Variants in ADCK1 observed in about 807,000 individuals in gnomAD.
ADCK1 encodes aarF domain-containing protein kinase 1.
A neutral mutation model predicts 52.3 loss-of-function variants in ADCK1; 41 were observed. That is an observed-to-expected ratio of 0.78 (90% CI 0.61 to 1.02). The LOEUF is 1.02. Ranked by LOEUF, ADCK1 falls within the 50% of genes least tolerant of loss-of-function variation. ADCK1 has a pLI of 0.00. For missense variants in ADCK1, 658 were observed against 679.5 expected, an observed-to-expected ratio of 0.97 and a Z score of 0.35; for synonymous variants, 250 against 274.6, an observed-to-expected ratio of 0.91 and a Z score of 0.89.
intron 5 of ADCK1, among the ~76,000 whole-genome samples, chr14:77,893,230 G>C (rs547611499): frequency 6.6e-6 from 1 of 152,312 alleles, no homozygotes; most frequent in South Asian, 2.1e-4. Flanking sequence ...CAATGATTCA[G>C]CAGGAGGGGG....
chr14:77,856,610 C>G (rs10147848), intron 3 of ADCK1, among the ~76,000 whole-genome samples: 19,288 of 152,212 alleles, frequency 0.13, 1,468 homozygotes, highest in African/African-American at 0.19. Flanking sequence ...TGGGCTTTGA[C>G]TCCATCTGAC....
intron 4 of ADCK1, among the ~76,000 whole-genome samples, chr14:77,863,468 G>GCACACACACA (rs146074203): frequency 6.7e-6 from 1 of 149,952 alleles, no homozygotes; most frequent in East Asian, 1.9e-4. Flanking sequence ...ATACACACAC[G>GCACACACACA]CACACACACA....
At chr14:77,906,594 G>A (rs2083671371) in intron 6 of ADCK1, among the ~76,000 whole-genome samples, 1 of 152,230 alleles carries the variant, frequency 6.6e-6, no homozygotes, top group African/African-American at 2.4e-5. Context: ...CACATAGCAA[G>A]AAGGTTTGCA....
chr14:77,927,871 G>A (rs775592829), intron 9 of ADCK1, among the ~76,000 whole-genome samples: 1 of 152,228 alleles, frequency 6.6e-6, no homozygotes, highest in Non-Finnish European at 1.5e-5. Context: ...TAAAAGCCAC[G>A]GGAAGATGTT....
chr14:77,859,377 C>A, intron 4 of ADCK1, 98 bp downstream of exon 4: 1 of 1,268,002 alleles, frequency 7.9e-7, no homozygotes. Flanking sequence ...TGGGGATCCA[C>A]CAGTGACACA....
intron 4 of ADCK1, among the ~76,000 whole-genome samples, chr14:77,866,410 T>G (rs917155867): frequency 6.6e-6 from 1 of 152,206 alleles, no homozygotes; most frequent in African/African-American, 2.4e-5. Context: ...GCACTCTATC[T>G]GGTCAGCCTC....
chr14:77,818,343 A>C (rs2081507667), intron 1 of ADCK1, among the ~76,000 whole-genome samples: 1 of 151,820 alleles, frequency 6.6e-6, no homozygotes, highest in African/African-American at 2.4e-5. Context: ...GTGTGGTGGC[A>C]CGATCTCAGC....
At position 77,840,444 on chromosome 14, in the gene ADCK1, A is replaced by G. The variant is rs973889121; in HGVS notation, c.219+17926A>G. Among the ~76,000 whole-genome samples the G allele has an allele frequency of 3.3e-5, 5 of 151,512 alleles. No individual in the cohort carries two copies. The East Asian group carries it at 9.7e-4, about 29-fold the overall frequency. On this transcript the variant is annotated intron_variant, in intron 3 of 10. Coordinates refer to ENST00000238561, the MANE Select transcript of ADCK1 (RefSeq NM_020421.4). ...CTGGCTAAGTCCTTCTCCCCCTCCC[A>G]TCTCCCTGGCTCTCTTCTGCCTTTC... is the stretch of plus-strand genomic sequence containing the variant.
intron 3 of ADCK1, among the ~76,000 whole-genome samples, chr14:77,852,667 A>ATATATATATTTATATATATATATATAT (rs2082314936): frequency 1.6e-4 from 1 of 6,226 alleles, no homozygotes; most frequent in East Asian, 0.013. Flanking sequence ...ATAAATATAT[A>ATATATATATTTATATATATATATATAT]TATATATATA....
At chr14:77,918,832 A>T (rs769202878) in intron 7 of ADCK1, among the ~76,000 whole-genome samples, 9 of 152,230 alleles carry the variant, frequency 5.9e-5, no homozygotes, top group Admixed American at 1.3e-4. Flanking sequence ...GAGTGGTCAT[A>T]CATCAACTTG....
At chr14:77,800,229 G>C (rs2081078859) in intron 1 of ADCK1, 59 bp downstream of exon 1, 2 of 152,296 alleles carry the variant, frequency 1.3e-5, no homozygotes, top group Admixed American at 1.3e-4. Flanking sequence ...AGCCTGGCAG[G>C]GCCGCACCGC....
At chr14:77,842,309 A>G (rs2082084450) in intron 3 of ADCK1, among the ~76,000 whole-genome samples, 1 of 151,964 alleles carries the variant, frequency 6.6e-6, no homozygotes, top group Non-Finnish European at 1.5e-5. Flanking sequence ...AATTTCATCT[A>G]ATTTCTATGT....
At chr14:77,912,779 G>A (rs1345230941) in intron 7 of ADCK1, among the ~76,000 whole-genome samples, 2 of 152,080 alleles carry the variant, frequency 1.3e-5, no homozygotes, top group Admixed American at 6.5e-5. Context: ...TGGCTCCAGA[G>A]CCCCCAACCA....
At chr14:77,839,884 A>G (rs889634368) in intron 3 of ADCK1, among the ~76,000 whole-genome samples, 1 of 137,428 alleles carries the variant, frequency 7.3e-6, no homozygotes, top group Non-Finnish European at 1.5e-5. Context: ...GCACCACTGC[A>G]CTCCAGCCTG....
In ADCK1 at chr14:77,852,881, GTGTATATATATA is replaced by G. The variant is rs1296429409; in HGVS notation, c.220-6193_220-6182del. Among the ~76,000 whole-genome samples, 27 of 29,580 alleles carry G rather than the reference GTGTATATATATA, an allele frequency of 9.1e-4. 2 individuals are homozygous for G. The highest frequency in any genetic ancestry group is 3.0e-3 in the South Asian group (3 of 1,014). 19.4% of individuals were successfully genotyped at this position (29,580 alleles called of 152,430 possible). A position where few individuals can be genotyped will look rare whatever the true frequency, so the allele number is the denominator to read the frequency against. On this transcript the variant is annotated intron_variant, in intron 3 of 10. Coordinates refer to ENST00000238561, the MANE Select transcript of ADCK1 (RefSeq NM_020421.4). Reference sequence around the variant, plus strand: ...TTTCAAGTTCACTAATCTTTTATGTGTGTATATATATATATATATATATATATTTTTTTTTTT... The same window carrying G: ...TTTCAAGTTCACTAATCTTTTATGTGTATATATATATATATTTTTTTTTTT...
intron 4 of ADCK1, among the ~76,000 whole-genome samples, chr14:77,868,460 CGGACTTTGA>C (rs2082708265): frequency 6.6e-6 from 1 of 152,190 alleles, no homozygotes; most frequent in African/African-American, 2.4e-5. Flanking sequence ...TAGTTTCCTG[CGGACTTTGA>C]GGAAGCCATA....
chr14:77,842,450 TCCTTCCTTCCTTCCTTCCTTCC>T (rs1412019596), intron 3 of ADCK1, among the ~76,000 whole-genome samples: 5,536 of 98,948 alleles, frequency 0.056, 411 homozygotes, highest in Admixed American at 0.13. Flanking sequence ...TATTTTTTTT[TCCTTCCTTCCTTCCTTCCTTCC>T]TTCCTTCCTT....
intron 1 of ADCK1, among the ~76,000 whole-genome samples, chr14:77,804,169 A>G (rs2139984942): frequency 6.6e-6 from 1 of 152,312 alleles, no homozygotes; most frequent in South Asian, 2.1e-4. Flanking sequence ...ATGTACTGTT[A>G]GGAGAGGTGA....
chr14:77,833,687 C>T (rs1444214571), intron 3 of ADCK1, among the ~76,000 whole-genome samples: 1 of 152,106 alleles, frequency 6.6e-6, no homozygotes, highest in African/African-American at 2.4e-5. Context: ...TTGACGTGAC[C>T]TGGGGAGAAA....
Sources: gnomAD v4.1 joint callset for allele counts (sites outside exome capture counted in the v4.1 genomes callset) on GRCh38, gnomAD v4.1.1 for gene constraint, MANE v1.5 for transcripts, NCBI Gene and HGNC (gene_info 2026-07-23, HGNC 2026-07-21) for gene names.